The following FMNL2 variants were observed in gnomAD, a reference collection of about 807,000 sequenced individuals.
FMNL2 encodes the protein formin-like protein 2.
Under a neutral mutation model 130.2 loss-of-function variants are expected in FMNL2, and 51 were observed. That is an observed-to-expected ratio of 0.39 (90% CI 0.31 to 0.49). The LOEUF is 0.49. Ranked by LOEUF, FMNL2 falls within the 20% of genes least tolerant of loss-of-function variation. The pLI is 0.85. For missense variants in FMNL2, 977 were observed against 1,316.2 expected (o/e 0.74, Z 3.99); for synonymous variants, 465 against 467.1 (o/e 1.00, Z 0.06).
intron 1 of FMNL2, among the ~76,000 whole-genome samples, chr2:152,499,414 T>G (rs1416796844): frequency 1.3e-5 from 2 of 151,992 alleles, no homozygotes; most frequent in Non-Finnish European, 2.9e-5. Flanking sequence ...GGAAGCTGAG[T>G]GTTTGGGTTG....
chr2:152,622,129 G>A (rs777811618), intron 15 of FMNL2, among the ~76,000 whole-genome samples: 2 of 152,124 alleles, frequency 1.3e-5, no homozygotes, highest in Non-Finnish European at 2.9e-5. Flanking sequence ...CCTTTCCCCC[G>A]GTAGGTCACC....
intron 1 of FMNL2, among the ~76,000 whole-genome samples, chr2:152,444,087 T>A (rs139428159): frequency 7.3e-4 from 111 of 152,046 alleles, no homozygotes; most frequent in African/African-American, 2.5e-3. Context: ...AGCAATGGGT[T>A]AGGAGGGTCA....
intron 1 of FMNL2, among the ~76,000 whole-genome samples, chr2:152,405,298 G>A (rs143154697): frequency 1.3e-5 from 2 of 152,126 alleles, no homozygotes; most frequent in African/African-American, 4.8e-5. Flanking sequence ...TTCCTTTCTG[G>A]TCTTTTTTGG....
chr2:152,510,672 G>T (rs1409189561), intron 1 of FMNL2, among the ~76,000 whole-genome samples: 1 of 152,146 alleles, frequency 6.6e-6, no homozygotes, highest in East Asian at 1.9e-4. Flanking sequence ...GGTCTTTTCC[G>T]CTACCACGAG....
intron 1 of FMNL2, among the ~76,000 whole-genome samples, chr2:152,425,136 A>C (rs1258976154): frequency 6.6e-6 from 1 of 152,100 alleles, no homozygotes; most frequent in African/African-American, 2.4e-5. Context: ...AGTTTTCCAA[A>C]CCCCTGTAAA....
At chr2:152,552,870 T>C (rs1372763977) in intron 4 of FMNL2, among the ~76,000 whole-genome samples, 1 of 152,230 alleles carries the variant, frequency 6.6e-6, no homozygotes, top group Non-Finnish European at 1.5e-5. Context: ...AGCTTTATTC[T>C]ATGGAACTGA....
At chr2:152,472,026 C>T (rs555511224) in intron 1 of FMNL2, among the ~76,000 whole-genome samples, 1 of 152,290 alleles carries the variant, frequency 6.6e-6, no homozygotes, top group South Asian at 2.1e-4. Flanking sequence ...CTGGATTGTG[C>T]ACTAGCCATA....
intron 1 of FMNL2, among the ~76,000 whole-genome samples, chr2:152,471,620 G>A (rs374068912): frequency 1.3e-5 from 2 of 152,232 alleles, no homozygotes. Flanking sequence ...TTGTTTCCTT[G>A]TGGTTACATT....
intron 9 of FMNL2, among the ~76,000 whole-genome samples, chr2:152,594,980 C>T (rs6731407): frequency 0.5 from 75,386 of 151,960 alleles, 20,400 homozygotes; most frequent in Middle Eastern, 0.64. Flanking sequence ...AGATGTTCCC[C>T]GCAAACTCTG....
At chr2:152,611,674 G>A (rs1580094810) in intron 11 of FMNL2, 69 bp downstream of exon 11, 4 of 976,606 alleles carry the variant, frequency 4.1e-6, no homozygotes, top group Non-Finnish European at 4.8e-6. Context: ...TCAAAGGTAC[G>A]CTTCCATAGC....
chr2:152,568,820 C>T lies in FMNL2; in HGVS notation c.597-6316C>T, dbSNP rs560171775. 1.8e-4 allele frequency among the ~76,000 whole-genome samples: 27 copies of T among 152,246 alleles called. No individual in the cohort carries two copies. In the East Asian group the frequency reaches 5.2e-3, roughly 29 times the overall value. On this transcript the variant is annotated intron_variant, in intron 6 of 25. Coordinates refer to ENST00000288670, the MANE Select transcript of FMNL2 (RefSeq NM_052905.4). ...CAATTATCTCTTACTGGGTCCCTCC[C>T]ACGATACATGGGGATTATGGGAACT...
intron 25 of FMNL2, chr2:152,643,599 C>T: frequency 6.6e-7 from 1 of 1,517,774 alleles, no homozygotes; most frequent in Non-Finnish European, 8.8e-7. Flanking sequence ...TGTCAGGGCC[C>T]ACCAACATGC....
At chr2:152,450,626 G>A (rs1162067059) in intron 1 of FMNL2, among the ~76,000 whole-genome samples, 1 of 152,138 alleles carries the variant, frequency 6.6e-6, no homozygotes, top group African/African-American at 2.4e-5. Context: ...GCCAGAAGTT[G>A]CCATAGTTAG....
rs199765331 is a variant in FMNL2 at position 152,640,933 on chromosome 2, C to A, written c.3169+19C>A. ...ATCACAGGTAAAAGATATTTCTTCACTGTGGCCCATGGAGATCCCACTGGC... is the reference window on the plus strand; with the variant it reads ...ATCACAGGTAAAAGATATTTCTTCAATGTGGCCCATGGAGATCCCACTGGC... On this transcript the variant is annotated intron_variant, in intron 25 of 25. Coordinates refer to ENST00000288670, the MANE Select transcript of FMNL2 (RefSeq NM_052905.4). 6.2e-7 allele frequency: 1 copy of A among 1,612,888 alleles called. No homozygotes were observed.
chr2:152,619,868 G>A, intron 15 of FMNL2, 150 bp downstream of exon 15: 1 of 1,439,968 alleles, frequency 6.9e-7, no homozygotes, highest in Admixed American at 2.3e-5. Context: ...AGCCGATAGA[G>A]GGAACATCAT....
chr2:152,415,108 A>G (rs6729611), intron 1 of FMNL2, among the ~76,000 whole-genome samples: 72,545 of 151,686 alleles, frequency 0.48, 19,145 homozygotes, highest in African/African-American at 0.7. Context: ...TGGTGCAGAA[A>G]CCTACAGCAG....
intron 8 of FMNL2, among the ~76,000 whole-genome samples, chr2:152,580,252 G>A (rs993233791): frequency 1.3e-5 from 2 of 152,204 alleles, no homozygotes; most frequent in Admixed American, 6.5e-5. Context: ...TCTTATGATT[G>A]AAGAAACAAT....
chr2:152,396,641 T>C (rs1332617110), intron 1 of FMNL2, among the ~76,000 whole-genome samples: 1 of 152,230 alleles, frequency 6.6e-6, no homozygotes, highest in Non-Finnish European at 1.5e-5. Flanking sequence ...TATTTCTTTT[T>C]CTTATCCAGT....
chr2:152,621,019 A>G lies in FMNL2; in HGVS notation c.1837+1301A>G, dbSNP rs796694509. On this transcript the variant is annotated intron_variant, in intron 15 of 25. Coordinates refer to ENST00000288670, the MANE Select transcript of FMNL2 (RefSeq NM_052905.4). ...AGCAGAGTCATCGTGGAACTGATGG[A>G]CTATGGAATATAAACAGACAAACAA... 37 of 985,422 alleles carry G rather than the reference A, an allele frequency of 3.8e-5. No homozygotes were observed. In the African/African-American group the frequency reaches 5.8e-4, roughly 15 times the overall value. The allele number at this position is 985,422 out of a possible 1,614,324, so 61.0% of individuals were successfully genotyped here.
Sources: allele counts gnomAD v4.1 joint callset (sites outside exome capture counted in the v4.1 genomes callset), GRCh38; gene constraint gnomAD v4.1.1; transcripts MANE v1.5; gene names NCBI Gene and HGNC (gene_info 2026-07-23, HGNC 2026-07-21).